PHTF1: variants seen among roughly 807,000 people sequenced by gnomAD.
PHTF1 encodes protein PHTF1.
In PHTF1, 88 loss-of-function variants were observed where a neutral mutation model predicts 102.4. The ratio of observed to expected loss-of-function variants is 0.86; its 90% confidence interval spans 0.72 to 1.03. The LOEUF is 1.03. Among genes scored for constraint, PHTF1 ranks in the 50% least tolerant of loss-of-function variants. The pLI is 0.00. For synonymous variants in PHTF1, 289 were observed against 305.2 expected, an observed-to-expected ratio of 0.95 and a Z score of 0.55; for missense variants, 814 against 909.5, an observed-to-expected ratio of 0.89 and a Z score of 1.35.
rs1413503543 is a variant in PHTF1 at position 113,738,754 on chromosome 1, A to G, written c.148T>C (p.Leu50=). ...PKKMGHIKPD[L]IDVDLIRGST... is the part of the protein sequence containing the mutation. Reference sequence around the variant, plus strand: ...CCTCTGATTAAGTCAACGTCAATCAAGTCTGGCTTTATGTGGCCCATCTTT... The same window carrying G: ...CCTCTGATTAAGTCAACGTCAATCAGGTCTGGCTTTATGTGGCCCATCTTT... The change falls in exon 4 of 19, where the codon TTG becomes CTG. Residue 50 remains leucine (L), a synonymous_variant. Coordinates refer to ENST00000369604, the MANE Select transcript of PHTF1 (RefSeq NM_001323043.2). 3 of 1,603,996 alleles carry G rather than the reference A, an allele frequency of 1.9e-6. No homozygotes were observed. Among genetic ancestry groups the G allele is most frequent in the East Asian group, 2.2e-5 (1 of 44,628 alleles).
At chr1:113,738,939 C>T (rs947427234) in intron 3 of PHTF1, 140 bp from the exon 4 acceptor site, 6 of 483,838 alleles carry the variant, frequency 1.2e-5, no homozygotes, top group East Asian at 4.0e-5. Flanking sequence ...GCAACCTCTG[C>T]CTCCCAGGTT....
rs1650209663 is a variant in PHTF1 at position 113,706,535 on chromosome 1, A to C, written c.1398+59T>G. The C allele has an allele frequency of 4.3e-6, 6 of 1,407,372 alleles. No individual in the cohort carries two copies. The South Asian group carries it at 7.7e-5, about 18-fold the overall frequency. 87.2% of individuals were successfully genotyped at this position (1,407,372 alleles called of 1,614,324 possible). On this transcript the variant is annotated intron_variant, in intron 12 of 18. Coordinates refer to ENST00000369604, the MANE Select transcript of PHTF1 (RefSeq NM_001323043.2). Reference sequence around the variant, plus strand: ...TTTAATCACTAAGAGATTCTTATAAAATAGCTCCTGATCACTTCGTATATT... The same window carrying C: ...TTTAATCACTAAGAGATTCTTATAACATAGCTCCTGATCACTTCGTATATT...
At chr1:113,707,874 C>G (rs1182534270) in intron 11 of PHTF1, among the ~76,000 whole-genome samples, 1 of 152,150 alleles carries the variant, frequency 6.6e-6, no homozygotes, top group Non-Finnish European at 1.5e-5. Flanking sequence ...AAGCCAAGAC[C>G]TGCCTGGAAA....
chr1:113,726,392 A>C (rs1406500976), intron 6 of PHTF1, 26 bp downstream of exon 6: 12 of 1,509,626 alleles, frequency 7.9e-6, no homozygotes, highest in Admixed American at 5.5e-5. Context: ...GAAAATATAC[A>C]ACTACAGTGT....
chr1:113,697,605 G>T lies in PHTF1; in HGVS notation c.*100C>A. 2.4e-6 allele frequency: 2 copies of T among 822,718 alleles called. No homozygotes were observed. The highest frequency in any genetic ancestry group is 2.9e-5 in the South Asian group (2 of 67,830). 51.0% of individuals were successfully genotyped at this position (822,718 alleles called of 1,614,324 possible). On this transcript the variant is annotated 3_prime_UTR_variant, in exon 19 of 19. Coordinates refer to ENST00000369604, the MANE Select transcript of PHTF1 (RefSeq NM_001323043.2). ...CAGAGCTGAGAGCACCTGTGCATGT[G>T]AACAAGCAGGTGGGTATCTCACTGG...
intron 7 of PHTF1, among the ~76,000 whole-genome samples, chr1:113,720,773 C>A (rs12745105): frequency 6.6e-6 from 1 of 152,156 alleles, no homozygotes; most frequent in African/African-American, 2.4e-5. Context: ...TGTGCGGGTG[C>A]CCACCCCACA....
At chr1:113,710,189 C>A (rs942425754) in intron 11 of PHTF1, 65 bp downstream of exon 11, 2 of 1,153,760 alleles carry the variant, frequency 1.7e-6, no homozygotes, top group African/African-American at 3.0e-5. Context: ...AATGAGATGA[C>A]AGAGTGCCTG....
At chr1:113,725,664 C>T (rs1653706240) in intron 6 of PHTF1, 1 of 152,044 alleles carries the variant, frequency 6.6e-6, no homozygotes, top group African/African-American at 2.4e-5. Context: ...CAAATAAATC[C>T]TTATTAAAAG....
intron 3 of PHTF1, among the ~76,000 whole-genome samples, chr1:113,755,761 G>A (rs1251895736): frequency 6.6e-6 from 1 of 152,112 alleles, no homozygotes; most frequent in African/African-American, 2.4e-5. Flanking sequence ...GGAAAAGAGT[G>A]AAGGAAATCA....
chr1:113,710,548 C>T, intron 10 of PHTF1, 73 bp from the exon 11 acceptor site: 3 of 1,138,902 alleles, frequency 2.6e-6, no homozygotes, highest in Non-Finnish European at 3.8e-6. Context: ...AAAATTAAAA[C>T]AACTTATCTA....
intron 5 of PHTF1, among the ~76,000 whole-genome samples, chr1:113,729,805 G>A (rs569182485): frequency 3.0e-4 from 45 of 152,260 alleles, no homozygotes; most frequent in African/African-American, 1.1e-3. Context: ...GGGTGATGGA[G>A]ACTGCATTCA....
rs1655811082 is a variant in PHTF1 at position 113,738,189 on chromosome 1, A to G, written c.252T>C (p.Phe84=). The part of the protein sequence containing the change: ...TRKGLVRVVF[F]PLFSNWWIQV... ...GAATCCACCAATTGCTGAACAATGG[A>G]AAAAATACAACTCGAACAAGCCCCT... is the stretch of plus-strand genomic sequence containing the variant. Residue 84 remains phenylalanine (F), a synonymous_variant, in exon 5 of 19, where the codon TTT becomes TTC. Transcript: ENST00000369604. The G allele has an allele frequency of 2.5e-6, 4 of 1,613,308 alleles. No homozygotes were observed. The Admixed American group carries it at 5.0e-5, about 20-fold the overall frequency.
chr1:113,759,034 T>C lies in PHTF1; in HGVS notation c.-42A>G. 1 of 1,023,634 alleles carries C rather than the reference T, an allele frequency of 9.8e-7. No individual in the cohort carries two copies. Among genetic ancestry groups the C allele is most frequent in the Non-Finnish European group, 1.2e-6 (1 of 855,666 alleles). 63.4% of individuals were successfully genotyped at this position (1,023,634 alleles called of 1,614,324 possible). ...CGTCCGGCTCTCACCTAGTGCCCGT[T>C]GCCCCGCGGGCCGGCGCCCGGGACC... On this transcript the variant is annotated 5_prime_UTR_variant, in exon 1 of 19. Coordinates refer to ENST00000369604, the MANE Select transcript of PHTF1 (RefSeq NM_001323043.2).
At chr1:113,745,938 A>G (rs1268311100) in intron 3 of PHTF1, among the ~76,000 whole-genome samples, 1 of 152,174 alleles carries the variant, frequency 6.6e-6, no homozygotes, top group Non-Finnish European at 1.5e-5. Flanking sequence ...TTGTAAAACC[A>G]TCCCCCCACA....
At chr1:113,729,235 A>G (rs1415896154) in intron 5 of PHTF1, among the ~76,000 whole-genome samples, 2 of 152,216 alleles carry the variant, frequency 1.3e-5, no homozygotes, top group African/African-American at 2.4e-5. Flanking sequence ...ACTGAACTCA[A>G]GGAGACAGAG....
intron 10 of PHTF1, among the ~76,000 whole-genome samples, 162 bp downstream of exon 10, chr1:113,711,584 G>GTAGT (rs1413532124): frequency 6.6e-6 from 1 of 152,170 alleles, no homozygotes; most frequent in African/African-American, 2.4e-5. Context: ...TTCTAGGTGT[G>GTAGT]TAGTCATTAA....
At chr1:113,730,727 A>T (rs1232707289) in intron 5 of PHTF1, among the ~76,000 whole-genome samples, 1 of 152,258 alleles carries the variant, frequency 6.6e-6, no homozygotes, top group Non-Finnish European at 1.5e-5. Context: ...TTTCAGCAGC[A>T]GCAACAAAGA....
At chr1:113,702,905 G>A (rs1272162168) in intron 15 of PHTF1, among the ~76,000 whole-genome samples, 1 of 152,122 alleles carries the variant, frequency 6.6e-6, no homozygotes, top group East Asian at 1.9e-4. Context: ...AGACTAAAGA[G>A]ACATGACAAT....
At chr1:113,716,993 A>G (rs1420040447) in intron 7 of PHTF1, among the ~76,000 whole-genome samples, 1 of 152,196 alleles carries the variant, frequency 6.6e-6, no homozygotes, top group East Asian at 1.9e-4. Flanking sequence ...AACTTAAAAG[A>G]ATACAACATT....
Sources: allele counts gnomAD v4.1 joint callset (sites outside exome capture counted in the v4.1 genomes callset), GRCh38; gene constraint gnomAD v4.1.1; transcripts MANE v1.5; gene names NCBI Gene and HGNC (gene_info 2026-07-23, HGNC 2026-07-21).